The following UBN2 variants were observed in gnomAD, a reference collection of about 807,000 sequenced individuals.
The protein encoded by UBN2 is ubinuclein 2.
UBN2 carries 35 observed loss-of-function variants against 120.2 expected under a neutral mutation model. That is an observed-to-expected ratio of 0.29 (90% CI 0.22 to 0.39). UBN2 has a LOEUF of 0.39. Among genes scored for constraint, UBN2 ranks in the 10% least tolerant of loss-of-function variants. UBN2 has a pLI of 1.00. For missense variants in UBN2, 1,693 were observed against 1,663.2 expected (o/e 1.02, Z -0.31); for synonymous variants, 661 against 648.7 (o/e 1.02, Z -0.29).
chr7:139,285,758 C>A (rs528480827), intron 15 of UBN2, among the ~76,000 whole-genome samples: 1 of 151,048 alleles, frequency 6.6e-6, no homozygotes, highest in Non-Finnish European at 1.5e-5. Context: ...TTTATTTTTC[C>A]CTAAGACAGA....
intron 15 of UBN2, 57 bp from the exon 16 acceptor site, chr7:139,293,175 T>C: frequency 7.1e-7 from 1 of 1,409,364 alleles, no homozygotes; most frequent in Non-Finnish European, 1.0e-6. Flanking sequence ...TTATAGAAAA[T>C]AAATCAATTT....
chr7:139,299,314 C>G lies in UBN2; in HGVS notation c.*1478C>G, dbSNP rs1161907110. 1 of 152,064 alleles carries G rather than the reference C, an allele frequency of 6.6e-6. No individual in the cohort carries two copies. The highest frequency in any genetic ancestry group is 2.4e-5 in the African/African-American group (1 of 41,416). 9.4% of individuals were successfully genotyped at this position (152,064 alleles called of 1,614,324 possible). On this transcript the variant is annotated 3_prime_UTR_variant, in exon 18 of 18. Transcript: ENST00000473989. ...ATGACACTAACCTAAAAAAAATAGA[C>G]TGGTAGTGACAAGATTTATTGCATA...
rs112899282 is a variant in UBN2, at chr7:139,233,778, T to A, written c.468+1826T>A. ...TGGCAAATTAATAATGTGTATCATT[T>A]AATTATAAAAAGAAAAAGGTTTGAC... is the stretch of plus-strand genomic sequence containing the variant. On this transcript the variant is annotated intron_variant, in intron 1 of 17. Coordinates refer to ENST00000473989, the MANE Select transcript of UBN2 (RefSeq NM_173569.4). 6.1e-3 allele frequency among the ~76,000 whole-genome samples: 932 copies of A among 152,284 alleles called. 6 individuals are homozygous for A. Among genetic ancestry groups the A allele is most frequent in the African/African-American group, 0.021 (855 of 41,562 alleles).
chr7:139,233,312 T>G (rs1796077823), intron 1 of UBN2, among the ~76,000 whole-genome samples: 1 of 152,178 alleles, frequency 6.6e-6, no homozygotes, highest in Non-Finnish European at 1.5e-5. Context: ...GAGGTCACTT[T>G]TTTCCCAAAA....
chr7:139,270,222 A>G (rs1797229358), intron 8 of UBN2, among the ~76,000 whole-genome samples: 1 of 151,916 alleles, frequency 6.6e-6, no homozygotes, highest in Non-Finnish European at 1.5e-5. Flanking sequence ...TGTAATGCTC[A>G]ATATTGTGCA....
At chr7:139,257,895 C>T (rs1422964951) in intron 3 of UBN2, among the ~76,000 whole-genome samples, 1 of 152,142 alleles carries the variant, frequency 6.6e-6, no homozygotes, top group African/African-American at 2.4e-5. Flanking sequence ...AAGGGATTCT[C>T]CTGTCTCAGC....
At chr7:139,247,165 A>C (rs376622582) in intron 2 of UBN2, among the ~76,000 whole-genome samples, 7 of 152,060 alleles carry the variant, frequency 4.6e-5, no homozygotes, top group African/African-American at 9.7e-5. Flanking sequence ...GAAAAAAAAA[A>C]AACAAAAAAC....
At chr7:139,244,332 T>G (rs1385414527) in intron 2 of UBN2, among the ~76,000 whole-genome samples, 5 of 152,190 alleles carry the variant, frequency 3.3e-5, no homozygotes, top group Non-Finnish European at 7.3e-5. Context: ...GTTTTAAAAA[T>G]CCATGTGCAA....
In UBN2 at chr7:139,308,012, C is replaced by T. The variant is rs1798393197; in HGVS notation, c.*10176C>T. The T allele has an allele frequency of 6.7e-6, 1 of 148,988 alleles. No homozygotes were observed. The highest frequency in any genetic ancestry group is 1.5e-5 in the Non-Finnish European group (1 of 67,794). 9.2% of individuals were successfully genotyped at this position (148,988 alleles called of 1,614,324 possible). A position where few individuals can be genotyped will look rare whatever the true frequency, so the allele number is the denominator to read the frequency against. ...CCCCCATGAATATACTCCTTCAGTG[C>T]AGGGATTTTTGTGTTTTTTTTTTTT... is the stretch of plus-strand genomic sequence containing the variant. On this transcript the variant is annotated 3_prime_UTR_variant, in exon 18 of 18. Transcript: ENST00000473989.
chr7:139,287,168 T>C (rs1474884674), intron 15 of UBN2, among the ~76,000 whole-genome samples: 1 of 152,176 alleles, frequency 6.6e-6, no homozygotes, highest in Non-Finnish European at 1.5e-5. Flanking sequence ...TAGTTTACTC[T>C]TCTTAAAATT....
intron 7 of UBN2, 103 bp downstream of exon 7, chr7:139,266,506 C>CAAAGGTTTTTTTCTTTTTTTT: frequency 1.6e-6 from 1 of 627,616 alleles, no homozygotes; most frequent in Non-Finnish European, 2.8e-6. Context: ...GGCATGAGTT[C>CAAAGGTTTTTTTCTTTTTTTT]TTCCCCTTAA....
chr7:139,234,253 T>C (rs933116417), intron 1 of UBN2, among the ~76,000 whole-genome samples: 9 of 152,170 alleles, frequency 5.9e-5, no homozygotes, highest in South Asian at 4.2e-4. Flanking sequence ...TAAATAAGAT[T>C]TTAGCTCCAG....
At chr7:139,309,488 ATACTT>A (rs1001204038), downstream of UBN2, among the ~76,000 whole-genome samples, 1 of 152,234 alleles carries the variant, frequency 6.6e-6, no homozygotes, top group African/African-American at 2.4e-5. Context: ...TAATTTAACT[ATACTT>A]AACTGTGTTT....
At chr7:139,263,687 T>C (rs1430277326) in intron 6 of UBN2, among the ~76,000 whole-genome samples, 1 of 151,426 alleles carries the variant, frequency 6.6e-6, no homozygotes, top group Non-Finnish European at 1.5e-5. Flanking sequence ...GGTGGGAGAA[T>C]TGCTTGAACC....
At chr7:139,257,982 C>T (rs1309077342) in intron 3 of UBN2, among the ~76,000 whole-genome samples, 1 of 152,174 alleles carries the variant, frequency 6.6e-6, no homozygotes, top group African/African-American at 2.4e-5. Flanking sequence ...CCATGTTGGC[C>T]AGGCTGGTCT....
At chr7:139,257,150 A>C (rs576494688) in intron 3 of UBN2, among the ~76,000 whole-genome samples, 1 of 152,300 alleles carries the variant, frequency 6.6e-6, no homozygotes, top group South Asian at 2.1e-4. Context: ...GAACACCTTC[A>C]TTTGGTTAAG....
intron 2 of UBN2, among the ~76,000 whole-genome samples, chr7:139,247,661 T>C (rs1419344554): frequency 6.6e-6 from 1 of 152,178 alleles, no homozygotes; most frequent in Non-Finnish European, 1.5e-5. Flanking sequence ...CAGTGAATGG[T>C]AGCTTGGTAT....
chr7:139,296,857 AG>A (rs953840844), intron 17 of UBN2, among the ~76,000 whole-genome samples: 17 of 152,116 alleles, frequency 1.1e-4, no homozygotes, highest in Non-Finnish European at 5.9e-5. Flanking sequence ...ACCTGTGCAT[AG>A]CCAGTGTACT....
intron 15 of UBN2, among the ~76,000 whole-genome samples, chr7:139,288,059 T>C (rs1797842645): frequency 6.6e-6 from 1 of 152,232 alleles, no homozygotes; most frequent in Non-Finnish European, 1.5e-5. Context: ...TTCAACTTAC[T>C]GATTTTCTGT....
Sources: allele counts gnomAD v4.1 joint callset (sites outside exome capture counted in the v4.1 genomes callset), GRCh38; gene constraint gnomAD v4.1.1; transcripts MANE v1.5; gene names NCBI Gene and HGNC (gene_info 2026-07-23, HGNC 2026-07-21).